The following CALML6 variants were observed in gnomAD, a reference collection of about 807,000 sequenced individuals.
CALML6 encodes the protein calmodulin-like protein 6.
CALML6 carries 27 observed loss-of-function variants against 25.0 expected under a neutral mutation model. That is an observed-to-expected ratio of 1.08 (90% CI 0.80 to 1.49). CALML6 has a LOEUF of 1.49. Ranked by LOEUF, CALML6 falls within the 40% of genes most tolerant of loss-of-function variation. The pLI is 0.00. For missense variants in CALML6, 239 were observed against 232.7 expected, an observed-to-expected ratio of 1.03 and a Z score of -0.18; for synonymous variants, 97 against 87.2, an observed-to-expected ratio of 1.11 and a Z score of -0.63.
At chr1:1,915,572 C>T (rs576794411) in intron 1 of CALML6, 113 bp from the exon 2 acceptor site, 15 of 1,300,902 alleles carry the variant, frequency 1.2e-5, no homozygotes, top group South Asian at 6.5e-5. Flanking sequence ...AAAATAGGGC[C>T]GGCAGGATTT....
rs1570794407 is a variant in CALML6 at position 1,917,247 on chromosome 1, C to T, written c.*54C>T. On this transcript the variant is annotated 3_prime_UTR_variant, in exon 6 of 6. Coordinates refer to ENST00000307786, the MANE Select transcript of CALML6 (RefSeq NM_138705.4). ...GCCCGGGAAGGCTGCTGCCCCTGCC[C>T]CCTGGCCCCCACTCCCCCGGCTCCG... 2 of 1,519,208 alleles carry T rather than the reference C, an allele frequency of 1.3e-6. No individual in the cohort carries two copies. Among genetic ancestry groups the T allele is most frequent in the Non-Finnish European group, 8.9e-7 (1 of 1,126,714 alleles). The allele number at this position is 1,519,208 out of a possible 1,614,324, so 94.1% of individuals were successfully genotyped here. A position where few individuals can be genotyped will look rare whatever the true frequency, so the allele number is the denominator to read the frequency against.
intron 2 of CALML6, 53 bp downstream of exon 2, chr1:1,915,788 T>A: frequency 6.3e-7 from 1 of 1,583,578 alleles, no homozygotes; most frequent in South Asian, 1.1e-5. Context: ...GCTGGGTAGG[T>A]TGAGCTGGAA....
At chr1:1,915,970 G>T in intron 2 of CALML6, 1 of 589,090 alleles carries the variant, frequency 1.7e-6, no homozygotes, top group Non-Finnish European at 3.1e-6. Flanking sequence ...GGCAGGTGTG[G>T]CCCGGTGCTG....
intron 2 of CALML6, 82 bp from the exon 3 acceptor site, chr1:1,916,359 G>A: frequency 2.3e-6 from 3 of 1,295,810 alleles, no homozygotes; most frequent in South Asian, 3.1e-5. Flanking sequence ...GGAGGAATGG[G>A]TGCAGGGGGT....
chr1:1,915,805 G>C, intron 2 of CALML6, 70 bp downstream of exon 2: 1 of 1,498,316 alleles, frequency 6.7e-7, no homozygotes, highest in South Asian at 1.1e-5. Context: ...GGAACCTGGA[G>C]GTGCAATGAC....
At position 1,915,725 on chromosome 1, in the gene CALML6, C is replaced by G. The variant is rs1557971126; in HGVS notation, c.68C>G (p.Thr23Ser). Residue 23 changes from threonine (T) to serine (S), a missense_variant, in exon 2 of 6, where the codon ACC becomes AGC. Thr to Ser is a moderately conservative substitution (Grantham distance 58). Around this residue, in one of 2 missense-constraint regions of CALML6, gnomAD observed 231 missense variants for 210.9 expected, o/e 1.10. Coordinates refer to ENST00000307786, the MANE Select transcript of CALML6 (RefSeq NM_138705.4). ...CHHPAESCQT[T>S]TDMTERLSAE... is the part of the protein sequence containing the mutation. ...CACCCTGCAGAATCCTGTCAGACAA[C>G]CACCGACATGGTAAGGCTGCTCTCT... 6.2e-7 allele frequency: 1 copy of G among 1,613,478 alleles called. No individual in the cohort carries two copies.
Position 1,917,035 on chromosome 1 carries a change from G to A in CALML6, c.460G>A (p.Glu154Lys), listed in dbSNP as rs1651154221. 1 of 1,610,332 alleles carries A rather than the reference G, an allele frequency of 6.2e-7. No homozygotes were observed. Among genetic ancestry groups the A allele is most frequent in the Non-Finnish European group, 8.5e-7 (1 of 1,177,864 alleles). ...GGTGGAGGCGGAGCAGATGATGAAG[G>A]AGGCCGACAAGGATGGGGACAGGAC... Reference protein sequence around the residue: ...NEVEAEQMMKEADKDGDRTID... With the variant: ...NEVEAEQMMKKADKDGDRTID... Residue 154 changes from glutamate to lysine, a missense_variant, in exon 5 of 6, where the codon GAG becomes AAG. This residue lies in a region of CALML6 where 231 missense variants were observed against 210.9 expected (regional missense o/e 1.10). Coordinates refer to ENST00000307786, the MANE Select transcript of CALML6 (RefSeq NM_138705.4).
Position 1,916,749 on chromosome 1 carries a change from C to A in CALML6, c.254-3C>A, listed in dbSNP as rs1367490564. On this transcript the variant is annotated splice_region_variant and splice_polypyrimidine_tract_variant and intron_variant, in intron 3 of 5. Transcript: ENST00000307786. The stretch of plus-strand genomic sequence containing the variant: ...CCTTGAGCCCCAGCTGTGCCCCTTG[C>A]AGACAAAGGGTTCTTCAACTGCGAT... 1 of 1,613,494 alleles carries A rather than the reference C, an allele frequency of 6.2e-7. No homozygotes were observed. Among genetic ancestry groups the A allele is most frequent in the African/African-American group, 1.3e-5 (1 of 75,054 alleles).
intron 1 of CALML6, 43 bp downstream of exon 1, chr1:1,915,350 C>T: frequency 1.3e-6 from 2 of 1,550,118 alleles, no homozygotes; most frequent in Non-Finnish European, 1.7e-6. Context: ...TGAAGACCTG[C>T]TGGAGGGCCG....
At position 1,915,699 on chromosome 1, in the gene CALML6, C is replaced by T. The variant is rs1280605726; in HGVS notation, c.42C>T (p.His14=). 30 of 1,613,430 alleles carry T rather than the reference C, an allele frequency of 1.9e-5. No individual in the cohort carries two copies. The highest frequency in any genetic ancestry group is 2.3e-5 in the Non-Finnish European group (27 of 1,179,986). The part of the protein sequence containing the change: ...QQEISLQPWC[H]HPAESCQTTT... Reference sequence around the variant, plus strand: ...TCTGCCCACAGCAGCCCTGGTGTCACCACCCTGCAGAATCCTGTCAGACAA... The same window carrying T: ...TCTGCCCACAGCAGCCCTGGTGTCATCACCCTGCAGAATCCTGTCAGACAA... Residue 14 remains histidine, a synonymous_variant, in exon 2 of 6, where the codon CAC becomes CAT. Transcript: ENST00000307786.
At position 1,916,422 on chromosome 1, in the gene CALML6, G is replaced by A. The variant is rs1271311883; in HGVS notation, c.79-19G>A. 1.3e-6 allele frequency: 2 copies of A among 1,504,212 alleles called. No homozygotes were observed. The highest frequency in any genetic ancestry group is 2.5e-5 in the East Asian group (1 of 40,406). 93.2% of individuals were successfully genotyped at this position (1,504,212 alleles called of 1,614,324 possible). On this transcript the variant is annotated intron_variant, in intron 2 of 5. Coordinates refer to ENST00000307786, the MANE Select transcript of CALML6 (RefSeq NM_138705.4). ...GCAGAAGGGGCTCCTGGTCAGGCCG[G>A]TGCGGGTGTCCCCTGCAGACAGAGC...
At chr1:1,915,896 G>C (rs878922552) in intron 2 of CALML6, 161 bp downstream of exon 2, 5 of 710,970 alleles carry the variant, frequency 7.0e-6, no homozygotes, top group Non-Finnish European at 7.4e-6. Context: ...CCCTTGTTCC[G>C]GGGCCAGGGT....
chr1:1,916,224 C>A (rs951551753), intron 2 of CALML6: 2 of 503,850 alleles, frequency 4.0e-6, no homozygotes, highest in Non-Finnish European at 7.0e-6. Flanking sequence ...TGGCCCTTGC[C>A]CCTGTTAGCT....
In CALML6 at chr1:1,917,018, C is replaced by T. The variant is rs368951637; in HGVS notation, c.443C>T (p.Ala148Val). Reference protein sequence around the residue: ...NAGEPLNEVEAEQMMKEADKD... With the variant: ...NAGEPLNEVEVEQMMKEADKD... Reference sequence around the variant, plus strand: ...GGGGAGCCCCTCAACGAGGTGGAGGCGGAGCAGATGATGAAGGAGGCCGAC... The same window carrying T: ...GGGGAGCCCCTCAACGAGGTGGAGGTGGAGCAGATGATGAAGGAGGCCGAC... The change falls in exon 5 of 6, where the codon GCG (alanine) becomes GTG (valine). Residue 148 changes from alanine to valine, a missense_variant. Transcript: ENST00000307786. 8.1e-6 allele frequency: 13 copies of T among 1,609,648 alleles called. No individual in the cohort carries two copies. The highest frequency in any genetic ancestry group is 9.3e-6 in the Non-Finnish European group (11 of 1,177,544).
intron 2 of CALML6, 32 bp downstream of exon 2, chr1:1,915,767 C>T (rs1651087771): frequency 1.2e-6 from 2 of 1,609,702 alleles, no homozygotes; most frequent in African/African-American, 2.7e-5. Context: ...GATGGAGTCT[C>T]TGGTGGGCTG....
chr1:1,915,874 C>G, intron 2 of CALML6, 139 bp downstream of exon 2: 2 of 806,450 alleles, frequency 2.5e-6, no homozygotes, highest in Non-Finnish European at 2.1e-6. Flanking sequence ...AGCCCTGCTG[C>G]CACCAACACA....
In CALML6 at chr1:1,916,829, G is replaced by A. The variant is rs370135296; in HGVS notation, c.331G>A (p.Glu111Lys). 5.0e-6 allele frequency: 8 copies of A among 1,613,312 alleles called. No individual in the cohort carries two copies. The highest frequency in any genetic ancestry group is 2.7e-5 in the African/African-American group (2 of 74,966). ...TGAGAAGGCCCAGAACCAGGAGAGC[G>A]AGCTGAGGGCGGCATTCCGTGTCTT... is the stretch of plus-strand genomic sequence containing the variant. Reference protein sequence around the residue: ...YHEKAQNQESELRAAFRVFDK... With the variant: ...YHEKAQNQESKLRAAFRVFDK... Residue 111 changes from glutamate (E) to lysine (K), a missense_variant, in exon 4 of 6, where the codon GAG (glutamate) becomes AAG (lysine). Physicochemically the swap from Glu to Lys is moderately conservative, Grantham distance 56. This residue lies in a region of CALML6 where 231 missense variants were observed against 210.9 expected (regional missense o/e 1.10). Transcript: ENST00000307786.
chr1:1,917,064 C>T lies in CALML6; in HGVS notation c.489C>T (p.Ile163=), dbSNP rs1225919985. 15 of 1,610,418 alleles carry T rather than the reference C, an allele frequency of 9.3e-6. No individual in the cohort carries two copies. Among genetic ancestry groups the T allele is most frequent in the African/African-American group, 2.7e-5 (2 of 74,908 alleles). The change falls in exon 5 of 6, where the codon ATC becomes ATT. Residue 163 remains isoleucine, a synonymous_variant. Transcript: ENST00000307786. ...CCGACAAGGATGGGGACAGGACCAT[C>T]GACTATGAGGGTGAGTGGCCTGGAG... ...KEADKDGDRT[I]DYEEFVAMMT...
In CALML6 at chr1:1,917,295, A is replaced by T. The variant is rs941532; in HGVS notation, c.*102A>T. The T allele has an allele frequency of 7.9e-7, 1 of 1,268,140 alleles. No individual in the cohort carries two copies. The highest frequency in any genetic ancestry group is 1.3e-5 in the South Asian group (1 of 75,520). The allele number at this position is 1,268,140 out of a possible 1,614,324, so 78.6% of individuals were successfully genotyped here. A position where few individuals can be genotyped will look rare whatever the true frequency, so the allele number is the denominator to read the frequency against. On this transcript the variant is annotated 3_prime_UTR_variant, in exon 6 of 6. Coordinates refer to ENST00000307786, the MANE Select transcript of CALML6 (RefSeq NM_138705.4). ...CCGTGTAAAATAAATGTTCCAGCCC[A>T]ACCTGTGTGTGCCTCACTGTCCCAG...
Sources: allele counts gnomAD v4.1 joint callset, GRCh38; gene constraint gnomAD v4.1.1; regional missense constraint gnomAD v4.1.1; transcripts MANE v1.5; gene names NCBI Gene and HGNC (gene_info 2026-07-23, HGNC 2026-07-21).